The following PPFIBP1 variants were observed in gnomAD, a reference collection of about 807,000 sequenced individuals.
The protein encoded by PPFIBP1 is liprin-beta-1.
A neutral mutation model predicts 137.8 loss-of-function variants in PPFIBP1; 112 were observed. That is an observed-to-expected ratio of 0.81 (90% CI 0.70 to 0.95). PPFIBP1 has a LOEUF of 0.95. Among genes scored for constraint, PPFIBP1 ranks in the 40% least tolerant of loss-of-function variants. The pLI is 0.00. For missense variants in PPFIBP1, 1,083 were observed against 1,196.6 expected (o/e 0.91, Z 1.40); for synonymous variants, 378 against 417.3 (o/e 0.91, Z 1.15).
Position 27,556,712 on chromosome 12 carries a change from C to T in PPFIBP1, c.-123-21440C>T, listed in dbSNP as rs142068732. Among the ~76,000 whole-genome samples the T allele has an allele frequency of 1.3e-3, 197 of 152,228 alleles. 1 individual carries two copies. The highest frequency in any genetic ancestry group is 4.6e-3 in the African/African-American group (190 of 41,520). ...AGCCAACACACCCCTAATATTCAAG[C>T]GTTCAGCAGGAGAGAGCAAGTTAGA... On this transcript the variant is annotated intron_variant, in intron 1 of 29. Transcript: ENST00000228425.
chr12:27,609,190 C>T (rs2054833622), intron 2 of PPFIBP1: 1 of 152,612 alleles, frequency 6.6e-6, no homozygotes, highest in African/African-American at 2.4e-5. Context: ...ACTTCTAAAA[C>T]TCTGATCAGA....
intron 2 of PPFIBP1, among the ~76,000 whole-genome samples, chr12:27,629,986 C>T (rs988927694): frequency 3.2e-4 from 49 of 152,102 alleles, no homozygotes; most frequent in Non-Finnish European, 5.3e-4. Flanking sequence ...GTGAATATAA[C>T]TTGTAGACTT....
At chr12:27,562,348 C>T (rs1319252516) in intron 1 of PPFIBP1, among the ~76,000 whole-genome samples, 1 of 152,188 alleles carries the variant, frequency 6.6e-6, no homozygotes, top group African/African-American at 2.4e-5. Flanking sequence ...CAATATCATA[C>T]ATGGTATTAT....
intron 2 of PPFIBP1, among the ~76,000 whole-genome samples, chr12:27,619,385 A>G (rs2056111734): frequency 6.6e-6 from 1 of 151,474 alleles, no homozygotes; most frequent in Admixed American, 6.6e-5. Flanking sequence ...TCACAGACAC[A>G]TTTTTTTTTC....
At chr12:27,604,158 A>G (rs2054280240) in intron 2 of PPFIBP1, among the ~76,000 whole-genome samples, 1 of 152,216 alleles carries the variant, frequency 6.6e-6, no homozygotes, top group Non-Finnish European at 1.5e-5. Flanking sequence ...CCAAGGGTTC[A>G]GAGGCAGACT....
At position 27,529,650 on chromosome 12, in the gene PPFIBP1, C is replaced by T. The variant is rs780575413; in HGVS notation, c.-124+5285C>T. Among the ~76,000 whole-genome samples the T allele has an allele frequency of 3.3e-4, 50 of 152,192 alleles. 3 individuals are homozygous for T. The highest frequency in any genetic ancestry group is 7.3e-5 in the Non-Finnish European group (5 of 68,042). On this transcript the variant is annotated intron_variant, in intron 1 of 29. Coordinates refer to ENST00000228425, the MANE Select transcript of PPFIBP1 (RefSeq NM_003622.4). ...CGGAGGTTACAGTGAGCTGAGATCACGCCACTGCACTCCAGCCTGGGCAAC... is the reference window on the plus strand; with the variant it reads ...CGGAGGTTACAGTGAGCTGAGATCATGCCACTGCACTCCAGCCTGGGCAAC...
At chr12:27,593,513 GACTGACCTGAACCAT>G (rs565760306) in intron 2 of PPFIBP1, 233 of 422,244 alleles carry the variant, frequency 5.5e-4, no homozygotes, top group Non-Finnish European at 8.7e-4. Flanking sequence ...TGTTCTTGAT[GACTGACCTGAACCAT>G]TTCTGGAGGG....
At chr12:27,597,215 T>TGG (rs1468501916) in intron 2 of PPFIBP1, among the ~76,000 whole-genome samples, 2 of 152,248 alleles carry the variant, frequency 1.3e-5, no homozygotes, top group African/African-American at 4.8e-5. Flanking sequence ...TCGCCCAGGC[T>TGG]GGAGTGCAGT....
intron 16 of PPFIBP1, 99 bp from the exon 17 acceptor site, chr12:27,674,093 A>G (rs529248230): frequency 3.2e-6 from 3 of 949,700 alleles, no homozygotes; most frequent in Non-Finnish European, 4.8e-6. Flanking sequence ...TTAGAAGTAG[A>G]TATAAAATTA....
chr12:27,685,873 T>A (rs1006762591), intron 24 of PPFIBP1, among the ~76,000 whole-genome samples: 11 of 152,304 alleles, frequency 7.2e-5, no homozygotes, highest in African/African-American at 2.6e-4. Flanking sequence ...AAAATTATTT[T>A]AAAATAAAAA....
intron 6 of PPFIBP1, among the ~76,000 whole-genome samples, chr12:27,648,290 G>A (rs7134077): frequency 0.74 from 112,862 of 152,096 alleles, 42,270 homozygotes; most frequent in East Asian, 1. Context: ...AATCAAAACT[G>A]TAATGAGATA....
At chr12:27,678,990 G>T (rs1324146788) in intron 19 of PPFIBP1, among the ~76,000 whole-genome samples, 4 of 151,834 alleles carry the variant, frequency 2.6e-5, no homozygotes, top group Non-Finnish European at 4.4e-5. Context: ...ACAGAGCCTA[G>T]AGAGAGAGAT....
At chr12:27,618,629 T>C (rs1201762036) in intron 2 of PPFIBP1, among the ~76,000 whole-genome samples, 1 of 152,218 alleles carries the variant, frequency 6.6e-6, no homozygotes, top group African/African-American at 2.4e-5. Flanking sequence ...GTGCTCCCTT[T>C]CTGGACTGAA....
At chr12:27,638,385 A>G (rs1490416379) in intron 4 of PPFIBP1, among the ~76,000 whole-genome samples, 2 of 152,356 alleles carry the variant, frequency 1.3e-5, no homozygotes, top group Admixed American at 1.3e-4. Flanking sequence ...GCAGGATTGT[A>G]TCTAGGCAGT....
At chr12:27,604,077 T>C (rs952868773) in intron 2 of PPFIBP1, among the ~76,000 whole-genome samples, 4 of 152,268 alleles carry the variant, frequency 2.6e-5, no homozygotes, top group African/African-American at 9.6e-5. Flanking sequence ...TCTAGGGGAC[T>C]ATAAAGAAAA....
chr12:27,681,729 A>T (rs1355451975), intron 22 of PPFIBP1, 33 bp downstream of exon 22: 1 of 1,609,582 alleles, frequency 6.2e-7, no homozygotes, highest in Non-Finnish European at 8.5e-7. Flanking sequence ...CACACAATGG[A>T]TACTGAGAAG....
chr12:27,587,622 CAA>C (rs35185831), intron 2 of PPFIBP1, among the ~76,000 whole-genome samples: 5 of 73,524 alleles, frequency 6.8e-5, no homozygotes, highest in African/African-American at 6.0e-5. Context: ...GACTCCATCT[CAA>C]AAAAAAAAAA....
At chr12:27,582,362 GA>G (rs2137000712) in intron 2 of PPFIBP1, among the ~76,000 whole-genome samples, 1 of 152,234 alleles carries the variant, frequency 6.6e-6, no homozygotes, top group Admixed American at 6.5e-5. Context: ...TTTTTAAGAA[GA>G]GGGGAGAGGG....
In PPFIBP1 at chr12:27,535,154, C is replaced by T. The variant is rs142449999; in HGVS notation, c.-124+10789C>T. On this transcript the variant is annotated intron_variant, in intron 1 of 29. Coordinates refer to ENST00000228425, the MANE Select transcript of PPFIBP1 (RefSeq NM_003622.4). ...CTGTTGCAAAATGAAAATGTGTGAC[C>T]CCTTATTCAAAAGGCAAGAAAAAAG... is the stretch of plus-strand genomic sequence containing the variant. Among the ~76,000 whole-genome samples the T allele has an allele frequency of 4.9e-4, 75 of 152,110 alleles. 2 individuals are homozygous for T. The East Asian group carries it at 0.015, about 29-fold the overall frequency.
Sources: allele counts gnomAD v4.1 joint callset (sites outside exome capture counted in the v4.1 genomes callset), GRCh38; gene constraint gnomAD v4.1.1; transcripts MANE v1.5; gene names NCBI Gene and HGNC (gene_info 2026-07-23, HGNC 2026-07-21).